SNTB1: variants seen among roughly 807,000 people sequenced by gnomAD.
The protein encoded by SNTB1 is syntrophin beta 1, also known as beta-1-syntrophin.
SNTB1 carries 36 observed loss-of-function variants against 48.9 expected under a neutral mutation model. The ratio of observed to expected loss-of-function variants is 0.74; its 90% confidence interval spans 0.56 to 0.97. The LOEUF (loss-of-function observed/expected upper bound fraction) is 0.97. Among genes scored for constraint, SNTB1 ranks in the 50% least tolerant of loss-of-function variants. The pLI, the probability that SNTB1 is intolerant of heterozygous loss-of-function variation, is 0.00. For missense variants in SNTB1, 786 were observed against 703.4 expected (o/e 1.12, Z -1.33); for synonymous variants, 299 against 294.6 (o/e 1.01, Z -0.15).
At chr8:120,749,139 G>A (rs988619810) in intron 1 of SNTB1, among the ~76,000 whole-genome samples, 1 of 152,066 alleles carries the variant, frequency 6.6e-6, no homozygotes, top group Non-Finnish European at 1.5e-5. Context: ...TGAATCAAAG[G>A]AAAGCCTGGA....
At chr8:120,717,763 C>T (rs551546977) in intron 1 of SNTB1, among the ~76,000 whole-genome samples, 7 of 152,264 alleles carry the variant, frequency 4.6e-5, no homozygotes, top group Admixed American at 2.0e-4. Context: ...GATACAGAAA[C>T]AGGGCCAGGG....
In SNTB1 at chr8:120,558,339, G is replaced by A. The variant is rs866855539; in HGVS notation, c.1137-9381C>T. Among the ~76,000 whole-genome samples, 6 of 152,136 alleles carry A rather than the reference G, an allele frequency of 3.9e-5. No individual in the cohort carries two copies. In the South Asian group the frequency reaches 8.3e-4, roughly 21 times the overall value. On this transcript the variant is annotated intron_variant, in intron 4 of 6. Coordinates refer to ENST00000517992, the MANE Select transcript of SNTB1 (RefSeq NM_021021.4). ...AGATAACTTTCTTACCCAGCCAGAA[G>A]AAAATACTGGCACCCTGGGACGGGG...
rs759271020 is a variant in SNTB1 at position 120,587,241 on chromosome 8, C to CA, written c.997-12017dup. ...GTCTCAAAAACAAAACAAAACAAAA[C>CA]AGACAAACAAACAAAAAAACCCAAC... On this transcript the variant is annotated intron_variant, in intron 3 of 6. Coordinates refer to ENST00000517992, the MANE Select transcript of SNTB1 (RefSeq NM_021021.4). Among the ~76,000 whole-genome samples the CA allele has an allele frequency of 1.3e-3, 195 of 151,860 alleles. 1 individual carries two copies. Among genetic ancestry groups the CA allele is most frequent in the Middle Eastern group, 3.4e-3 (1 of 294 alleles).
At chr8:120,781,422 G>A (rs1401820438) in intron 1 of SNTB1, among the ~76,000 whole-genome samples, 2 of 152,034 alleles carry the variant, frequency 1.3e-5, no homozygotes, top group African/African-American at 4.8e-5. Flanking sequence ...TGAAAATGGT[G>A]AGAAAAAGAA....
At chr8:120,797,421 A>G (rs1587170603) in intron 1 of SNTB1, among the ~76,000 whole-genome samples, 1 of 152,008 alleles carries the variant, frequency 6.6e-6, no homozygotes, top group African/African-American at 2.4e-5. Flanking sequence ...AGGGGTTGAT[A>G]TTCAATCAGG....
intron 1 of SNTB1, among the ~76,000 whole-genome samples, chr8:120,708,770 T>C (rs1373345569): frequency 1.3e-5 from 2 of 152,148 alleles, no homozygotes; most frequent in African/African-American, 4.8e-5. Flanking sequence ...TAGACAGTTA[T>C]AGGAAACAAA....
intron 1 of SNTB1, among the ~76,000 whole-genome samples, chr8:120,787,914 A>G (rs1335016421): frequency 2.0e-5 from 3 of 152,206 alleles, no homozygotes; most frequent in Admixed American, 1.3e-4. Flanking sequence ...AAAATCATCA[A>G]GACATATAGT....
At chr8:120,594,278 C>A (rs371821923) in intron 3 of SNTB1, among the ~76,000 whole-genome samples, 31 of 152,020 alleles carry the variant, frequency 2.0e-4, no homozygotes, top group African/African-American at 7.0e-4. Flanking sequence ...TCTCTTGTTG[C>A]CCAGGCTGGA....
At chr8:120,796,734 G>A (rs1355057441) in intron 1 of SNTB1, among the ~76,000 whole-genome samples, 1 of 151,950 alleles carries the variant, frequency 6.6e-6, no homozygotes, top group Admixed American at 6.6e-5. Flanking sequence ...TTTCCGCCCT[G>A]GCTCTGCAAG....
intron 3 of SNTB1, among the ~76,000 whole-genome samples, chr8:120,575,886 C>T (rs929517796): frequency 6.6e-6 from 1 of 152,112 alleles, no homozygotes; most frequent in Non-Finnish European, 1.5e-5. Context: ...CTCTGAAAAC[C>T]CTTCTAATCT....
intron 2 of SNTB1, among the ~76,000 whole-genome samples, chr8:120,662,221 T>G (rs35223644): frequency 0.24 from 36,738 of 152,140 alleles, 4,602 homozygotes; most frequent in Middle Eastern, 0.29. Context: ...CTAAACTATC[T>G]AGACAAGTTT....
chr8:120,593,281 C>A (rs1011397828), intron 3 of SNTB1, among the ~76,000 whole-genome samples: 1 of 152,188 alleles, frequency 6.6e-6, no homozygotes, highest in African/African-American at 2.4e-5. Flanking sequence ...ATGCCCTGAG[C>A]CTAGGCAGTA....
intron 1 of SNTB1, among the ~76,000 whole-genome samples, chr8:120,790,639 C>CA (rs1462196531): frequency 1.3e-5 from 2 of 151,468 alleles, no homozygotes; most frequent in African/African-American, 4.8e-5. Context: ...TTTACAATAG[C>CA]AAAAAATAAA....
At chr8:120,544,790 CTTTTTT>C (rs113100073) in intron 5 of SNTB1, among the ~76,000 whole-genome samples, 8 of 114,148 alleles carry the variant, frequency 7.0e-5, no homozygotes, top group East Asian at 2.7e-4. Context: ...AAATTCAAAA[CTTTTTT>C]TTTTTTTTTT....
intron 2 of SNTB1, among the ~76,000 whole-genome samples, chr8:120,686,308 G>A (rs1224684381): frequency 6.6e-6 from 1 of 152,140 alleles, no homozygotes; most frequent in African/African-American, 2.4e-5. Context: ...CTTAGATTGG[G>A]TAGTTTACAA....
rs773014097 is a variant in SNTB1 at position 120,811,427 on chromosome 8, G to A, written c.417C>T (p.Ile139=). ...GGKENKMPIL[I]SKIFKGLAAD... is the part of the protein sequence containing the mutation. Reference sequence around the variant, plus strand: ...CCGCCAGCCCCTTGAAGATCTTGCTGATGAGGATGGGCATCTTGTTCTCCT... The same window carrying A: ...CCGCCAGCCCCTTGAAGATCTTGCTAATGAGGATGGGCATCTTGTTCTCCT... The change falls in exon 1 of 7, where the codon ATC becomes ATT. Residue 139 remains isoleucine, a synonymous_variant. Coordinates refer to ENST00000517992, the MANE Select transcript of SNTB1 (RefSeq NM_021021.4). 6.2e-7 allele frequency: 1 copy of A among 1,614,066 alleles called. No homozygotes were observed. The highest frequency in any genetic ancestry group is 1.1e-5 in the South Asian group (1 of 91,090).
At chr8:120,571,301 A>G (rs1471657751) in intron 4 of SNTB1, 1 of 1,288,112 alleles carries the variant, frequency 7.8e-7, no homozygotes, top group Non-Finnish European at 1.0e-6. Flanking sequence ...CTGTGGTCTA[A>G]TCTTTCTTTG....
intron 1 of SNTB1, among the ~76,000 whole-genome samples, chr8:120,727,906 T>C (rs1339742435): frequency 6.6e-6 from 1 of 152,254 alleles, no homozygotes; most frequent in Non-Finnish European, 1.5e-5. Flanking sequence ...CCTGGCTTCC[T>C]AGGCAAGTCT....
intron 3 of SNTB1, among the ~76,000 whole-genome samples, chr8:120,618,670 A>C (rs1274212979): frequency 6.6e-6 from 1 of 152,244 alleles, no homozygotes; most frequent in African/African-American, 2.4e-5. Flanking sequence ...TCAATCCCTA[A>C]AAGATGAGGG....
Sources: gnomAD v4.1 joint callset for allele counts (sites outside exome capture counted in the v4.1 genomes callset) on GRCh38, gnomAD v4.1.1 for gene constraint, MANE v1.5 for transcripts, NCBI Gene and HGNC (gene_info 2026-07-23, HGNC 2026-07-21) for gene names.